CACNA2D2: variants seen among roughly 807,000 people sequenced by gnomAD.
CACNA2D2 encodes calcium voltage-gated channel auxiliary subunit alpha2delta 2.
Under a neutral mutation model 166.4 loss-of-function variants are expected in CACNA2D2, and 48 were observed. The observed-to-expected ratio is 0.29, with a 90% CI of 0.23 to 0.37. The LOEUF (loss-of-function observed/expected upper bound fraction) is 0.37. Among genes scored for constraint, CACNA2D2 ranks in the 10% least tolerant of loss-of-function variants. The pLI, the probability that CACNA2D2 is intolerant of heterozygous loss-of-function variation, is 1.00. For missense variants in CACNA2D2, 1,122 were observed against 1,433.0 expected, an observed-to-expected ratio of 0.78 and a Z score of 3.50; for synonymous variants, 561 against 573.7, an observed-to-expected ratio of 0.98 and a Z score of 0.32.
intron 2 of CACNA2D2, among the ~76,000 whole-genome samples, chr3:50,468,756 G>A (rs7613639): frequency 2.7e-5 from 4 of 150,906 alleles, no homozygotes; most frequent in Admixed American, 2.6e-4. Flanking sequence ...CATTCCCAAC[G>A]CCAACATCTA....
At chr3:50,468,405 G>GTGTGTA in intron 2 of CACNA2D2, among the ~76,000 whole-genome samples, 1 of 146,656 alleles carries the variant, frequency 6.8e-6, no homozygotes, top group East Asian at 2.0e-4. Flanking sequence ...GTGTGTGTGT[G>GTGTGTA]TGTGTGTGTG....
chr3:50,494,465 T>C (rs1698645960), intron 1 of CACNA2D2, among the ~76,000 whole-genome samples: 1 of 151,996 alleles, frequency 6.6e-6, no homozygotes, highest in South Asian at 2.1e-4. Flanking sequence ...CGCCAGCCCC[T>C]CCAAGCCCAC....
intron 2 of CACNA2D2, among the ~76,000 whole-genome samples, chr3:50,447,622 C>T (rs1467521907): frequency 2.0e-5 from 3 of 152,182 alleles, no homozygotes; most frequent in East Asian, 1.9e-4. Context: ...CTCAGTCCGC[C>T]CCTGGGGCCT....
chr3:50,458,498 G>A (rs1029180020), intron 2 of CACNA2D2, among the ~76,000 whole-genome samples: 1 of 152,120 alleles, frequency 6.6e-6, no homozygotes, highest in South Asian at 2.1e-4. Flanking sequence ...AGACCAGCCC[G>A]GGCTTGCCTA....
intron 2 of CACNA2D2, among the ~76,000 whole-genome samples, chr3:50,456,233 A>G (rs1430803659): frequency 6.6e-6 from 1 of 152,204 alleles, no homozygotes; most frequent in African/African-American, 2.4e-5. Flanking sequence ...GAAAGGAGGT[A>G]GGTAGCTTTT....
At chr3:50,483,488 A>G (rs1449157654) in intron 1 of CACNA2D2, among the ~76,000 whole-genome samples, 2 of 152,104 alleles carry the variant, frequency 1.3e-5, no homozygotes, top group Non-Finnish European at 2.9e-5. Context: ...TTTTCCTTCT[A>G]ATTGGTGCTC....
intron 3 of CACNA2D2, among the ~76,000 whole-genome samples, chr3:50,410,479 A>G (rs1183103822): frequency 2.9e-5 from 3 of 104,974 alleles, no homozygotes; most frequent in Non-Finnish European, 5.7e-5. Context: ...GCTCCCTGGG[A>G]TGGGGGGGGG....
rs774958851 is a variant in CACNA2D2 at position 50,376,177 on chromosome 3, G to A, written c.1638C>T (p.Asn546=). Residue 546 remains asparagine (N), a synonymous_variant, in exon 18 of 38, where the codon AAC becomes AAT. Transcript: ENST00000424201. This position sits in a 1 kb window ranked among gnomAD's most constrained non-coding sequence, Gnocchi z 4.3. Reference sequence around the variant, plus strand: ...TCAGGTCAATGGCAAACACATAGCCGTTGGCTCCAAGCTGGAGGCACAGAT... The same window carrying A: ...TCAGGTCAATGGCAAACACATAGCCATTGGCTCCAAGCTGGAGGCACAGAT... The part of the protein sequence containing the change: ...RLTPNYTLGA[N]GYVFAIDLNG... 13 of 1,613,308 alleles carry A rather than the reference G, an allele frequency of 8.1e-6. No homozygotes were observed. In the Admixed American group the frequency reaches 8.3e-5, roughly 10 times the overall value.
intron 4 of CACNA2D2, among the ~76,000 whole-genome samples, chr3:50,392,028 A>T (rs186647399): frequency 8.9e-4 from 135 of 152,268 alleles, no homozygotes; most frequent in Non-Finnish European, 1.5e-3. Context: ...ATTCCTAGGA[A>T]GAGGGCCTGA....
At chr3:50,406,953 A>G (rs1158482780) in intron 3 of CACNA2D2, among the ~76,000 whole-genome samples, 4 of 151,872 alleles carry the variant, frequency 2.6e-5, no homozygotes, top group Non-Finnish European at 5.9e-5. Flanking sequence ...CAGCATCATC[A>G]GAGGGTTGGG....
At chr3:50,454,938 C>T (rs1179913714) in intron 2 of CACNA2D2, among the ~76,000 whole-genome samples, 1 of 152,164 alleles carries the variant, frequency 6.6e-6, no homozygotes, top group Non-Finnish European at 1.5e-5. Context: ...TGGATGGCGC[C>T]CCCCTTGAAG....
chr3:50,499,751 GGAGT>G (rs1698877281), intron 1 of CACNA2D2, among the ~76,000 whole-genome samples: 1 of 152,218 alleles, frequency 6.6e-6, no homozygotes. Flanking sequence ...CAAAGAATCT[GGAGT>G]GAGATTCACC....
chr3:50,467,024 G>A (rs1217908000), intron 2 of CACNA2D2, among the ~76,000 whole-genome samples: 1 of 152,198 alleles, frequency 6.6e-6, no homozygotes, highest in Non-Finnish European at 1.5e-5. Context: ...GGGGAGTGAG[G>A]AGTGTGGCAA....
In CACNA2D2 at chr3:50,485,054, C is replaced by A. The variant is rs374185162; in HGVS notation, c.207-8855G>T. 3.9e-5 allele frequency among the ~76,000 whole-genome samples: 6 copies of A among 152,340 alleles called. No individual in the cohort carries two copies. In the East Asian group the frequency reaches 7.7e-4, roughly 20 times the overall value. ...TGGGCCCGCCCAGGCCTGTGGCTTC[C>A]GTGCATAATTCATGGCTCTCCCAGA... On this transcript the variant is annotated intron_variant, in intron 1 of 37. Coordinates refer to ENST00000424201, the MANE Select transcript of CACNA2D2 (RefSeq NM_006030.4).
chr3:50,380,076 T>C lies in CACNA2D2; in HGVS notation c.843-58A>G. On this transcript the variant is annotated intron_variant, in intron 8 of 37. Transcript: ENST00000424201. This position sits in a 1 kb window ranked among gnomAD's most constrained non-coding sequence, Gnocchi z 4.9. Reference sequence around the variant, plus strand: ...CCACTGGGACCTTGTGGGTCCTTCCTTCCTTCACATACATATTGATTCAAT... The same window carrying C: ...CCACTGGGACCTTGTGGGTCCTTCCCTCCTTCACATACATATTGATTCAAT... The C allele has an allele frequency of 1.3e-6, 2 of 1,527,898 alleles. No homozygotes were observed. Among genetic ancestry groups the C allele is most frequent in the South Asian group, 2.2e-5 (2 of 89,232 alleles). The allele number at this position is 1,527,898 out of a possible 1,614,324, so 94.6% of individuals were successfully genotyped here. A position where few individuals can be genotyped will look rare whatever the true frequency, so the allele number is the denominator to read the frequency against.
At position 50,376,129 on chromosome 3, in the gene CACNA2D2, G is replaced by A. The variant is rs757365634; in HGVS notation, c.1686C>T (p.Pro562=). Residue 562 remains proline (P), a synonymous_variant, in exon 18 of 38, where the codon CCC becomes CCT. Transcript: ENST00000424201. The surrounding 1 kb of genome is among the most constrained non-coding windows in gnomAD (Gnocchi z 4.3). ...TCTGGCTCACCTGGGGCTTGAGATT[G>A]GGGTGCAGCAACACGTAGCCGTTCA... ...IDLNGYVLLH[P]NLKPQTTNFR... 3 of 1,613,388 alleles carry A rather than the reference G, an allele frequency of 1.9e-6. No homozygotes were observed. Among genetic ancestry groups the A allele is most frequent in the African/African-American group, 1.3e-5 (1 of 74,916 alleles).
At chr3:50,412,709 A>C in intron 3 of CACNA2D2, among the ~76,000 whole-genome samples, 1 of 152,160 alleles carries the variant, frequency 6.6e-6, no homozygotes, top group Non-Finnish European at 1.5e-5. Context: ...TCGTTCTTTG[A>C]AATAAGGATG....
At chr3:50,494,469 A>G (rs939855471) in intron 1 of CACNA2D2, among the ~76,000 whole-genome samples, 19 of 152,166 alleles carry the variant, frequency 1.2e-4, no homozygotes, top group African/African-American at 4.3e-4. Flanking sequence ...AGCCCCTCCA[A>G]GCCCACACTG....
chr3:50,376,314 G>T lies in CACNA2D2; in HGVS notation c.1627-126C>A. 2 of 984,076 alleles carry T rather than the reference G, an allele frequency of 2.0e-6. No homozygotes were observed. The highest frequency in any genetic ancestry group is 1.5e-6 in the Non-Finnish European group (1 of 662,140). The allele number at this position is 984,076 out of a possible 1,614,324, so 61.0% of individuals were successfully genotyped here. A position where few individuals can be genotyped will look rare whatever the true frequency, so the allele number is the denominator to read the frequency against. On this transcript the variant is annotated intron_variant, in intron 17 of 37. Coordinates refer to ENST00000424201, the MANE Select transcript of CACNA2D2 (RefSeq NM_006030.4). The surrounding 1 kb of genome is among the most constrained non-coding windows in gnomAD (Gnocchi z 4.3). ...TCTGTTTGCCTGCCTTGGGCTAAGG[G>T]CCCCCCCATGCCACGTGGCCCTAAG...
Sources: gnomAD v4.1 joint callset for allele counts (sites outside exome capture counted in the v4.1 genomes callset) on GRCh38, gnomAD v4.1.1 for gene constraint, Gnocchi (gnomAD v3.1) non-coding constraint, MANE v1.5 for transcripts, NCBI Gene and HGNC (gene_info 2026-07-23, HGNC 2026-07-21) for gene names.